Variants in SMYD3 observed in about 807,000 individuals in gnomAD.
The protein encoded by SMYD3 is SET and MYND domain containing 3.
In SMYD3, 36 loss-of-function variants were observed where a neutral mutation model predicts 57.7. That is an observed-to-expected ratio of 0.62 (90% CI 0.48 to 0.82). SMYD3 has a LOEUF of 0.82. Among genes scored for constraint, SMYD3 ranks in the 40% least tolerant of loss-of-function variants. The probability of loss-of-function intolerance (pLI) is 0.00; values close to 1 mark genes in which losing one functional copy is unlikely to be tolerated. For synonymous variants in SMYD3, 211 were observed against 195.0 expected (o/e 1.08, Z -0.68); for missense variants, 515 against 538.8 (o/e 0.96, Z 0.44).
At chr1:246,231,791 A>C (rs910238438) in intron 5 of SMYD3, among the ~76,000 whole-genome samples, 1 of 151,666 alleles carries the variant, frequency 6.6e-6, no homozygotes, top group Admixed American at 6.5e-5. Flanking sequence ...ATCCAATATA[A>C]GTCAACTTCT....
intron 5 of SMYD3, among the ~76,000 whole-genome samples, chr1:246,172,618 G>T (rs1403930347): frequency 2.1e-5 from 3 of 141,230 alleles, no homozygotes; most frequent in Admixed American, 7.1e-5. Context: ...TACACACTTA[G>T]GCTACACAGG....
At chr1:245,848,103 C>CTTTT (rs35906120) in intron 10 of SMYD3, among the ~76,000 whole-genome samples, 2 of 147,902 alleles carry the variant, frequency 1.4e-5, no homozygotes, top group African/African-American at 2.5e-5. Context: ...GAGATAAAGT[C>CTTTT]TTTTTTTTTT....
At chr1:246,094,865 T>C (rs1025644843) in intron 5 of SMYD3, among the ~76,000 whole-genome samples, 7 of 152,164 alleles carry the variant, frequency 4.6e-5, no homozygotes, top group African/African-American at 1.7e-4. Context: ...CTGCTGAGCG[T>C]ATCTCGGAGC....
At chr1:246,387,200 T>C (rs1267962735) in intron 1 of SMYD3, among the ~76,000 whole-genome samples, 1 of 152,210 alleles carries the variant, frequency 6.6e-6, no homozygotes, top group Non-Finnish European at 1.5e-5. Flanking sequence ...ACTTAGCATA[T>C]GGTATACGGT....
intron 8 of SMYD3, among the ~76,000 whole-genome samples, chr1:245,902,363 C>T (rs2148617707): frequency 6.6e-6 from 1 of 152,312 alleles, no homozygotes; most frequent in East Asian, 1.9e-4. Flanking sequence ...AAGGCCACCA[C>T]ACACCTGTAC....
intron 5 of SMYD3, among the ~76,000 whole-genome samples, chr1:246,253,539 TACC>T (rs1447299205): frequency 2.6e-5 from 4 of 152,338 alleles, no homozygotes; most frequent in African/African-American, 9.6e-5. Context: ...CCTAGGATGA[TACC>T]ACATCTCTGC....
At position 245,749,454 on chromosome 1, in the gene SMYD3, C is replaced by T. The variant is rs1301494531; in HGVS notation, c.*109G>A. On this transcript the variant is annotated 3_prime_UTR_variant, in exon 12 of 12. Transcript: ENST00000490107. ...TTTATTTACCTACACAAACACGGAA[C>T]AGAATTTCCAATAGGAGAGGTTCAC... 1.0e-5 allele frequency: 8 copies of T among 793,912 alleles called. No homozygotes were observed. Among genetic ancestry groups the T allele is most frequent in the Non-Finnish European group, 1.2e-5 (6 of 484,086 alleles). 49.2% of individuals were successfully genotyped at this position (793,912 alleles called of 1,614,324 possible).
chr1:245,966,886 C>G lies in SMYD3; in HGVS notation c.532-36949G>C, dbSNP rs972987222. 3.9e-5 allele frequency among the ~76,000 whole-genome samples: 6 copies of G among 152,128 alleles called. No individual in the cohort carries two copies. In the East Asian group the frequency reaches 9.6e-4, roughly 24 times the overall value. On this transcript the variant is annotated intron_variant, in intron 5 of 11. Transcript: ENST00000490107. ...AAGGTCCCCATATGAACCTATCCCCCCTCAGGACCTCACTTCATTAATTTC... is the reference window on the plus strand; with the variant it reads ...AAGGTCCCCATATGAACCTATCCCCGCTCAGGACCTCACTTCATTAATTTC...
chr1:245,953,703 G>A (rs2057739495), intron 5 of SMYD3, among the ~76,000 whole-genome samples: 1 of 152,096 alleles, frequency 6.6e-6, no homozygotes, highest in South Asian at 2.1e-4. Flanking sequence ...ACAGGCATGA[G>A]CCACCGTGCC....
chr1:245,875,652 C>T (rs964179401), intron 8 of SMYD3, among the ~76,000 whole-genome samples: 6 of 152,156 alleles, frequency 3.9e-5, no homozygotes, highest in Non-Finnish European at 7.3e-5. Flanking sequence ...AATATTCTTC[C>T]TCTTGCCCAA....
At chr1:245,956,452 G>A (rs1477328651) in intron 5 of SMYD3, among the ~76,000 whole-genome samples, 2 of 152,196 alleles carry the variant, frequency 1.3e-5, no homozygotes, top group Admixed American at 6.5e-5. Flanking sequence ...ACAAGTGAGG[G>A]AGCAAAACAG....
chr1:245,936,347 C>A (rs544483497), intron 5 of SMYD3, among the ~76,000 whole-genome samples: 1 of 144,840 alleles, frequency 6.9e-6, no homozygotes, highest in African/African-American at 2.4e-5. Context: ...AGAACATACA[C>A]TGAATACGTA....
intron 1 of SMYD3, among the ~76,000 whole-genome samples, chr1:246,470,510 TA>T (rs879521382): frequency 0.025 from 3,036 of 121,646 alleles, 80 homozygotes; most frequent in African/African-American, 0.072. Context: ...AAAAAAAAAT[TA>T]AAAAAAAAAA....
chr1:246,394,723 T>C (rs986108282), intron 1 of SMYD3, among the ~76,000 whole-genome samples: 15 of 141,494 alleles, frequency 1.1e-4, no homozygotes, highest in Admixed American at 4.2e-4. Flanking sequence ...CGAACCTAGC[T>C]ATGCCTTATT....
intron 8 of SMYD3, among the ~76,000 whole-genome samples, chr1:245,915,208 T>A (rs1170158893): frequency 6.6e-6 from 1 of 152,212 alleles, no homozygotes; most frequent in Non-Finnish European, 1.5e-5. Flanking sequence ...CATAACGTAA[T>A]TCAACCCACT....
chr1:246,329,467 T>G (rs10924693), intron 4 of SMYD3, among the ~76,000 whole-genome samples: 6,240 of 152,258 alleles, frequency 0.041, 424 homozygotes, highest in African/African-American at 0.14. Context: ...TTTCATGTGT[T>G]TTTTGGCTGC....
chr1:245,912,555 C>T (rs2055072672), intron 8 of SMYD3, among the ~76,000 whole-genome samples: 2 of 151,970 alleles, frequency 1.3e-5, no homozygotes, highest in South Asian at 4.2e-4. Flanking sequence ...CAAGGCAATA[C>T]CGAGCAAAAA....
intron 8 of SMYD3, among the ~76,000 whole-genome samples, chr1:245,873,627 T>TAG (rs904270045): frequency 6.6e-6 from 1 of 152,222 alleles, no homozygotes; most frequent in African/African-American, 2.4e-5. Flanking sequence ...ACAGATGCTC[T>TAG]CATTCTCCTC....
intron 10 of SMYD3, among the ~76,000 whole-genome samples, chr1:245,830,785 C>T (rs2148381344): frequency 6.6e-6 from 1 of 152,314 alleles, no homozygotes; most frequent in South Asian, 2.1e-4. Context: ...ACTAAAATCT[C>T]ACTTGAGATA....
Sources: gnomAD v4.1 joint callset for allele counts (sites outside exome capture counted in the v4.1 genomes callset) on GRCh38, gnomAD v4.1.1 for gene constraint, MANE v1.5 for transcripts, NCBI Gene and HGNC (gene_info 2026-07-23, HGNC 2026-07-21) for gene names.